The following SLC22A11 variants were observed in gnomAD, a reference collection of about 807,000 sequenced individuals.
The protein encoded by SLC22A11 is organic anion transporter 4.
In SLC22A11, 42 loss-of-function variants were observed where a neutral mutation model predicts 49.4. The observed-to-expected ratio is 0.85, with a 90% CI of 0.66 to 1.10. The LOEUF (loss-of-function observed/expected upper bound fraction) is 1.10. Among genes scored for constraint, SLC22A11 ranks in the 50% least tolerant of loss-of-function variants. The probability of loss-of-function intolerance (pLI) is 0.00; values close to 1 mark genes in which losing one functional copy is unlikely to be tolerated. For synonymous variants in SLC22A11, 304 were observed against 315.8 expected (o/e 0.96, Z 0.40); for missense variants, 685 against 731.6 (o/e 0.94, Z 0.74).
intron 6 of SLC22A11, 110 bp from the exon 7 acceptor site, chr11:64,567,489 C>T: frequency 1.0e-6 from 1 of 977,288 alleles, no homozygotes; most frequent in Non-Finnish European, 1.6e-6. Flanking sequence ...CAGGATTGTC[C>T]TCCGGGGTTG....
rs996830068 is a variant in SLC22A11 at position 64,564,111 on chromosome 11, C to T, written c.822-197C>T. ...GAGGTGGCTCGCTTGGGAAGGTGGG[C>T]GGCCAGGCATTGGGACTCAGCTTTA... On this transcript the variant is annotated intron_variant, in intron 4 of 9. Transcript: ENST00000301891. This position sits in a 1 kb window ranked among gnomAD's most constrained non-coding sequence, Gnocchi z 4.2. Among the ~76,000 whole-genome samples, 2 of 152,116 alleles carry T rather than the reference C, an allele frequency of 1.3e-5. No individual in the cohort carries two copies. Among genetic ancestry groups the T allele is most frequent in the African/African-American group, 2.4e-5 (1 of 41,422 alleles).
In SLC22A11 at chr11:64,562,203, G is replaced by A; in HGVS notation, c.652+45G>A. On this transcript the variant is annotated intron_variant, in intron 3 of 9. Coordinates refer to ENST00000301891, the MANE Select transcript of SLC22A11 (RefSeq NM_018484.4). This position sits in a 1 kb window ranked among gnomAD's most constrained non-coding sequence, Gnocchi z 4.4. ...CGCTCCTGCCATGGGGGCGGGGGTGGCAGGAGAGAATGGGGCTCAGGCCGC... is the reference window on the plus strand; with the variant it reads ...CGCTCCTGCCATGGGGGCGGGGGTGACAGGAGAGAATGGGGCTCAGGCCGC... 6.2e-7 allele frequency: 1 copy of A among 1,604,902 alleles called. No homozygotes were observed. Among genetic ancestry groups the A allele is most frequent in the Non-Finnish European group, 8.5e-7 (1 of 1,173,936 alleles).
At chr11:64,569,904 G>T in intron 9 of SLC22A11, 46 bp downstream of exon 9, 1 of 1,593,666 alleles carries the variant, frequency 6.3e-7, no homozygotes, top group Non-Finnish European at 8.5e-7. Flanking sequence ...CTTCCTCCTG[G>T]GCCAAGATGG....
chr11:64,565,341 C>G lies in SLC22A11; in HGVS notation c.1058+4C>G, dbSNP rs370173256. The G allele has an allele frequency of 3.2e-6, 5 of 1,546,958 alleles. No individual in the cohort carries two copies. Among genetic ancestry groups the G allele is most frequent in the East Asian group, 2.4e-5 (1 of 41,012 alleles). ...GCTGCGCCATGCTGGTGGTGAAGTA[C>G]GCCGTCCTGGTGTCCCTCCCCAAGG... is the stretch of plus-strand genomic sequence containing the variant. On this transcript the variant is annotated splice_donor_region_variant and intron_variant, in intron 6 of 9. Transcript: ENST00000301891. The surrounding 1 kb of genome is among the most constrained non-coding windows in gnomAD (Gnocchi z 4.1).
At chr11:64,568,413 C>G (rs888137415) in intron 7 of SLC22A11, among the ~76,000 whole-genome samples, 1 of 152,212 alleles carries the variant, frequency 6.6e-6, no homozygotes, top group Admixed American at 6.5e-5. Context: ...TTCAGTGCAG[C>G]CTCCACGGCC....
chr11:64,557,945 G>A (rs2038487003), intron 1 of SLC22A11, among the ~76,000 whole-genome samples: 1 of 151,902 alleles, frequency 6.6e-6, no homozygotes, highest in Non-Finnish European at 1.5e-5. Context: ...TTACAGGCAT[G>A]CACAACCACT....
rs746773925 is a variant in SLC22A11 at position 64,571,296 on chromosome 11, T to C, written c.*254T>C. 2.0e-6 allele frequency: 1 copy of C among 500,990 alleles called. No individual in the cohort carries two copies. The highest frequency in any genetic ancestry group is 3.6e-6 in the Non-Finnish European group (1 of 280,608). The allele number at this position is 500,990 out of a possible 1,614,324, so 31.0% of individuals were successfully genotyped here. A position where few individuals can be genotyped will look rare whatever the true frequency, so the allele number is the denominator to read the frequency against. Reference sequence around the variant, plus strand: ...CTACAGGAGCCTGTGCAGATGGCCATGCCCAACCAATAACGAGACGGTTCC... The same window carrying C: ...CTACAGGAGCCTGTGCAGATGGCCACGCCCAACCAATAACGAGACGGTTCC... On this transcript the variant is annotated 3_prime_UTR_variant, in exon 10 of 10. Transcript: ENST00000301891.
chr11:64,564,305 C>G lies in SLC22A11; in HGVS notation c.822-3C>G. On this transcript the variant is annotated splice_polypyrimidine_tract_variant and splice_region_variant and intron_variant, in intron 4 of 9. Transcript: ENST00000301891. This position sits in a 1 kb window ranked among gnomAD's most constrained non-coding sequence, Gnocchi z 4.2. Reference sequence around the variant, plus strand: ...TCCCAGCTACACACCTGCCTCCTTACAGGTGGCTGCCAGAATCCGCCCGGT... The same window carrying G: ...TCCCAGCTACACACCTGCCTCCTTAGAGGTGGCTGCCAGAATCCGCCCGGT... 6.2e-7 allele frequency: 1 copy of G among 1,614,042 alleles called. No homozygotes were observed. The highest frequency in any genetic ancestry group is 8.5e-7 in the Non-Finnish European group (1 of 1,179,986).
In SLC22A11 at chr11:64,562,279, C is replaced by T. The variant is rs1281995579; in HGVS notation, c.665C>T (p.Thr222Ile). The T allele has an allele frequency of 2.5e-6, 4 of 1,604,434 alleles. No individual in the cohort carries two copies. Among genetic ancestry groups the T allele is most frequent in the East Asian group, 4.5e-5 (2 of 44,588 alleles). ...LSSLTLMVEW[T>I]TTSRRAVTMT... ...CTGCATCCTTCAGTGGTGGAGTGGA[C>T]CACGACCAGCAGGAGGGCGGTCACC... The change falls in exon 4 of 10, where the codon ACC (threonine) becomes ATC (isoleucine). Residue 222 changes from threonine (T) to isoleucine (I), a missense_variant. By Grantham distance (89) the Thr-to-Ile change is moderately conservative. Transcript: ENST00000301891. This position sits in a 1 kb window ranked among gnomAD's most constrained non-coding sequence, Gnocchi z 4.4.
chr11:64,561,827 A>G (rs972999310), intron 2 of SLC22A11, among the ~76,000 whole-genome samples, 177 bp from the exon 3 acceptor site: 1 of 151,960 alleles, frequency 6.6e-6, no homozygotes, highest in Non-Finnish European at 1.5e-5. Context: ...ATGGCAAGGT[A>G]CCTGCCACTT....
At position 64,567,744 on chromosome 11, in the gene SLC22A11, C is replaced by T. The variant is rs758493144; in HGVS notation, c.1204C>T (p.Arg402Cys). The T allele has an allele frequency of 3.2e-5, 52 of 1,613,114 alleles. No homozygotes were observed. The highest frequency in any genetic ancestry group is 1.1e-5 in the Non-Finnish European group (13 of 1,179,928). Residue 402 changes from arginine (R) to cysteine (C), a missense_variant, in exon 7 of 10, where the codon CGC becomes TGC. Transcript: ENST00000301891. ...TALLLSFLGRRTIQAGSQAMA... is the reference protein window; with the variant it reads ...TALLLSFLGRCTIQAGSQAMA... ...CCTCTTGCTCAGTTTCCTTGGCCGCCGCACCATCCAGGCGGGTTCCCAGGC... is the reference window on the plus strand; with the variant it reads ...CCTCTTGCTCAGTTTCCTTGGCCGCTGCACCATCCAGGCGGGTTCCCAGGC...
At chr11:64,563,662 T>C (rs999818434) in intron 4 of SLC22A11, among the ~76,000 whole-genome samples, 2 of 133,000 alleles carry the variant, frequency 1.5e-5, no homozygotes, top group African/African-American at 5.7e-5. Flanking sequence ...GGCTCAAGCC[T>C]GTAATCCCAG....
Position 64,571,805 on chromosome 11 carries a change from A to G in SLC22A11, c.*763A>G, listed in dbSNP as rs1207604795. Reference sequence around the variant, plus strand: ...CACGTGCGCAGAGCCCACGAAGATGACGCTGCACTGAGGCATGGGGCGGGG... The same window carrying G: ...CACGTGCGCAGAGCCCACGAAGATGGCGCTGCACTGAGGCATGGGGCGGGG... On this transcript the variant is annotated 3_prime_UTR_variant, in exon 10 of 10. Coordinates refer to ENST00000301891, the MANE Select transcript of SLC22A11 (RefSeq NM_018484.4). 6.6e-6 allele frequency: 1 copy of G among 152,374 alleles called. No homozygotes were observed. The highest frequency in any genetic ancestry group is 1.9e-4 in the East Asian group (1 of 5,196). The allele number at this position is 152,374 out of a possible 1,614,324, so 9.4% of individuals were successfully genotyped here. A position where few individuals can be genotyped will look rare whatever the true frequency, so the allele number is the denominator to read the frequency against.
At chr11:64,570,801 G>T (rs2038693496) in intron 9 of SLC22A11, among the ~76,000 whole-genome samples, 178 bp from the exon 10 acceptor site, 1 of 152,106 alleles carries the variant, frequency 6.6e-6, no homozygotes, top group African/African-American at 2.4e-5. Flanking sequence ...TAATTTAATT[G>T]ATTTTTGTTG....
chr11:64,569,312 T>C (rs968089447), intron 8 of SLC22A11, among the ~76,000 whole-genome samples: 2 of 152,242 alleles, frequency 1.3e-5, no homozygotes, highest in African/African-American at 4.8e-5. Flanking sequence ...CACTCACTCA[T>C]TTCTCCATAT....
chr11:64,570,231 G>GT (rs1159732553), intron 9 of SLC22A11, among the ~76,000 whole-genome samples: 12 of 152,242 alleles, frequency 7.9e-5, no homozygotes, highest in Non-Finnish European at 1.5e-4. Flanking sequence ...AGTCTCAACT[G>GT]TCCTAGTGCA....
rs201314585 is a variant in SLC22A11, at chr11:64,565,342, G to A, written c.1058+5G>A. The A allele has an allele frequency of 1.6e-5, 25 of 1,546,566 alleles. No individual in the cohort carries two copies. The East Asian group carries it at 4.6e-4, about 29-fold the overall frequency. ...CTGCGCCATGCTGGTGGTGAAGTAC[G>A]CCGTCCTGGTGTCCCTCCCCAAGGC... On this transcript the variant is annotated splice_donor_5th_base_variant and intron_variant, in intron 6 of 9. Transcript: ENST00000301891. The surrounding 1 kb of genome is among the most constrained non-coding windows in gnomAD (Gnocchi z 4.1).
intron 7 of SLC22A11, 26 bp downstream of exon 7, chr11:64,567,839 G>A (rs543057588): frequency 2.6e-6 from 4 of 1,548,602 alleles, no homozygotes; most frequent in African/African-American, 2.7e-5. Context: ...TGGGCGGTGG[G>A]ACCGGGCCCT....
Position 64,562,556 on chromosome 11 carries a change from T to C in SLC22A11, c.821+121T>C, listed in dbSNP as rs891002730. The C allele has an allele frequency of 1.2e-5, 13 of 1,087,256 alleles. No homozygotes were observed. In the African/African-American group the frequency reaches 2.1e-4, roughly 17 times the overall value. The allele number at this position is 1,087,256 out of a possible 1,614,324, so 67.4% of individuals were successfully genotyped here. A position where few individuals can be genotyped will look rare whatever the true frequency, so the allele number is the denominator to read the frequency against. On this transcript the variant is annotated intron_variant, in intron 4 of 9. Transcript: ENST00000301891. The surrounding 1 kb of genome is among the most constrained non-coding windows in gnomAD (Gnocchi z 4.4). Reference sequence around the variant, plus strand: ...GGAGTGCCACAGAAGGGCCATGGCATGAGCGGCACCCTCGCTAGGGAGGGA... The same window carrying C: ...GGAGTGCCACAGAAGGGCCATGGCACGAGCGGCACCCTCGCTAGGGAGGGA...
Sources: allele counts gnomAD v4.1 joint callset (sites outside exome capture counted in the v4.1 genomes callset), GRCh38; gene constraint gnomAD v4.1.1; non-coding constraint Gnocchi (gnomAD v3.1); transcripts MANE v1.5; gene names NCBI Gene and HGNC (gene_info 2026-07-23, HGNC 2026-07-21).